RAB2A: variants seen among roughly 807,000 people sequenced by gnomAD.
The protein encoded by RAB2A is ras-related protein Rab-2A.
RAB2A carries 7 observed loss-of-function variants against 32.5 expected under a neutral mutation model. The ratio of observed to expected loss-of-function variants is 0.22; its 90% CI spans 0.12 to 0.40. The LOEUF (loss-of-function observed/expected upper bound fraction) is 0.40, where lower values mean the gene tolerates loss of function less well. RAB2A is among the 10% of genes least tolerant of loss of function. The probability of loss-of-function intolerance (pLI) is 1.00; values close to 1 mark genes in which losing one functional copy is unlikely to be tolerated. For missense variants in RAB2A, 108 were observed against 260.7 expected (o/e 0.41, Z 4.03); for synonymous variants, 79 against 85.2 (o/e 0.93, Z 0.40).
chr8:60,530,162 TGAGA>T lies in RAB2A; in HGVS notation c.46+12919_46+12922del, dbSNP rs1157633045. On this transcript the variant is annotated intron_variant, in intron 1 of 7. Coordinates refer to ENST00000262646, the MANE Select transcript of RAB2A (RefSeq NM_002865.3). ...TTTTTTTCTTTTTTTTTTTTTTTTT[TGAGA>T]GAGAGAGAGTCTCGCTCTGTCACCC... Among the ~76,000 whole-genome samples the T allele has an allele frequency of 1.0e-4, 15 of 143,004 alleles. No homozygotes were observed. The South Asian group carries it at 1.1e-3, about 10-fold the overall frequency. 93.8% of individuals were successfully genotyped at this position (143,004 alleles called of 152,430 possible). A position where few individuals can be genotyped will look rare whatever the true frequency, so the allele number is the denominator to read the frequency against.
At chr8:60,561,351 T>G (rs1808022602) in intron 2 of RAB2A, among the ~76,000 whole-genome samples, 1 of 152,218 alleles carries the variant, frequency 6.6e-6, no homozygotes, top group South Asian at 2.1e-4. Flanking sequence ...TGACAAAAAT[T>G]TACCTAGATG....
chr8:60,617,260 G>A (rs551933927), intron 6 of RAB2A, among the ~76,000 whole-genome samples: 11 of 152,252 alleles, frequency 7.2e-5, no homozygotes, highest in Admixed American at 3.3e-4. Context: ...TTGGTCTACA[G>A]TATTTCAACA....
At chr8:60,551,149 C>T (rs1188906163) in intron 1 of RAB2A, among the ~76,000 whole-genome samples, 4 of 152,190 alleles carry the variant, frequency 2.6e-5, no homozygotes, top group African/African-American at 4.8e-5. Flanking sequence ...CCTTGCCCTG[C>T]TCTGCTTTTT....
chr8:60,528,628 C>G (rs1420746044), intron 1 of RAB2A, among the ~76,000 whole-genome samples: 4 of 152,016 alleles, frequency 2.6e-5, no homozygotes, highest in Non-Finnish European at 1.5e-5. Flanking sequence ...TTGTTTGCAT[C>G]AAGTTGTTTT....
chr8:60,556,317 T>C (rs1285424786), intron 1 of RAB2A, among the ~76,000 whole-genome samples: 1 of 152,182 alleles, frequency 6.6e-6, no homozygotes, highest in African/African-American at 2.4e-5. Context: ...CTATGATTAA[T>C]AATTTCTTGT....
chr8:60,527,735 A>C (rs564797376), intron 1 of RAB2A, among the ~76,000 whole-genome samples: 10 of 150,610 alleles, frequency 6.6e-5, no homozygotes, highest in Admixed American at 6.6e-4. Context: ...AGTATCCATT[A>C]TTTTTTTTTT....
At chr8:60,605,852 T>TATATATATATATATATATATA (rs777621349) in intron 6 of RAB2A, among the ~76,000 whole-genome samples, 1 of 144,746 alleles carries the variant, frequency 6.9e-6, no homozygotes, top group African/African-American at 2.7e-5. Flanking sequence ...TATATATATA[T>TATATATATATATATATATATA]AATGCTTCAT....
intron 1 of RAB2A, among the ~76,000 whole-genome samples, chr8:60,541,960 T>C (rs2130817577): frequency 6.6e-6 from 1 of 152,312 alleles, no homozygotes; most frequent in African/African-American, 2.4e-5. Context: ...TTAAATAAAT[T>C]ATTTTATACA....
chr8:60,581,936 GTTTTTCTTTCT>G (rs922934883), intron 3 of RAB2A, among the ~76,000 whole-genome samples: 5 of 141,742 alleles, frequency 3.5e-5, no homozygotes, highest in Non-Finnish European at 7.5e-5. Context: ...TGTTGTTGTT[GTTTTTCTTTCT>G]TTTTTTTTTT....
At chr8:60,601,337 A>T (rs1391188270) in intron 6 of RAB2A, among the ~76,000 whole-genome samples, 1 of 151,134 alleles carries the variant, frequency 6.6e-6, no homozygotes, top group Non-Finnish European at 1.5e-5. Context: ...CATAGACTTT[A>T]TTTTCTTTCT....
chr8:60,539,101 A>G (rs1807599776), intron 1 of RAB2A, among the ~76,000 whole-genome samples: 1 of 152,180 alleles, frequency 6.6e-6, no homozygotes, highest in South Asian at 2.1e-4. Context: ...TGATCTTTCC[A>G]GTGAGCATGA....
In RAB2A at chr8:60,561,861, T is replaced by C. The variant is rs540950276; in HGVS notation, c.118+2938T>C. ...ACCAGAATTCCCTCACACCTAGCTA[T>C]TCTATTTAGTCATCATGTCCTTATC... On this transcript the variant is annotated intron_variant, in intron 2 of 7. Coordinates refer to ENST00000262646, the MANE Select transcript of RAB2A (RefSeq NM_002865.3). Among the ~76,000 whole-genome samples, 82 of 152,288 alleles carry C rather than the reference T, an allele frequency of 5.4e-4. 1 individual carries two copies. Among genetic ancestry groups the C allele is most frequent in the Middle Eastern group, 3.4e-3 (1 of 294 alleles).
At chr8:60,527,885 G>A (rs1409834192) in intron 1 of RAB2A, among the ~76,000 whole-genome samples, 3 of 152,100 alleles carry the variant, frequency 2.0e-5, no homozygotes, top group African/African-American at 7.2e-5. Flanking sequence ...TTCTCTAGAG[G>A]CATAACTCAT....
chr8:60,612,135 A>G (rs1484668404), intron 6 of RAB2A, among the ~76,000 whole-genome samples: 1 of 151,884 alleles, frequency 6.6e-6, no homozygotes, highest in Non-Finnish European at 1.5e-5. Flanking sequence ...CCTTTTCCCC[A>G]ACCTCCCTAC....
In RAB2A at chr8:60,549,840, G is replaced by A. The variant is rs1807818229; in HGVS notation, c.47-9012G>A. Reference sequence around the variant, plus strand: ...ATTCCTTTCTAGAAGTTGTTTTTTGGTAAAGATTTAAATCCAGGCTTTCTA... The same window carrying A: ...ATTCCTTTCTAGAAGTTGTTTTTTGATAAAGATTTAAATCCAGGCTTTCTA... On this transcript the variant is annotated intron_variant, in intron 1 of 7. Transcript: ENST00000262646. Among the ~76,000 whole-genome samples, 6 of 150,146 alleles carry A rather than the reference G, an allele frequency of 4.0e-5. No individual in the cohort carries two copies. In the South Asian group the frequency reaches 1.0e-3, roughly 26 times the overall value.
chr8:60,587,113 A>G (rs187786898), intron 5 of RAB2A, among the ~76,000 whole-genome samples: 130 of 152,282 alleles, frequency 8.5e-4, no homozygotes, highest in Admixed American at 3.7e-3. Flanking sequence ...CTATTCTACA[A>G]ATTTTAAGAT....
At chr8:60,593,093 T>C (rs1803968577) in intron 6 of RAB2A, among the ~76,000 whole-genome samples, 1 of 152,226 alleles carries the variant, frequency 6.6e-6, no homozygotes. Context: ...TTGACTACAG[T>C]AATTCTACAG....
At chr8:60,526,623 A>G (rs1414204523) in intron 1 of RAB2A, among the ~76,000 whole-genome samples, 1 of 152,046 alleles carries the variant, frequency 6.6e-6, no homozygotes, top group Non-Finnish European at 1.5e-5. Flanking sequence ...TTTGGAGGGC[A>G]TTTTTCCGCT....
At chr8:60,528,504 G>A (rs552863835) in intron 1 of RAB2A, among the ~76,000 whole-genome samples, 132 of 152,114 alleles carry the variant, frequency 8.7e-4, no homozygotes, top group African/African-American at 2.9e-3. Context: ...TATGTTGATC[G>A]TCCCACTGTC....
Sources: allele counts gnomAD v4.1 joint callset (sites outside exome capture counted in the v4.1 genomes callset), GRCh38; gene constraint gnomAD v4.1.1; transcripts MANE v1.5; gene names NCBI Gene and HGNC (gene_info 2026-07-23, HGNC 2026-07-21).